Variants in RBFOX1 observed in about 807,000 individuals in gnomAD.
RBFOX1 encodes the protein RNA binding fox-1 homolog 1.
RBFOX1 carries 8 observed loss-of-function variants against 57.7 expected under a neutral mutation model. The observed-to-expected ratio is 0.14, with a 90% CI of 0.08 to 0.25. The LOEUF (loss-of-function observed/expected upper bound fraction) is 0.25. RBFOX1 is among the 10% of genes least tolerant of loss of function. The probability of loss-of-function intolerance (pLI) is 1.00; values close to 1 mark genes in which losing one functional copy is unlikely to be tolerated. For synonymous variants in RBFOX1, 326 were observed against 222.4 expected, an observed-to-expected ratio of 1.47 and a Z score of -4.15; for missense variants, 611 against 548.5, an observed-to-expected ratio of 1.11 and a Z score of -1.14.
chr16:7,311,023 C>T (rs1308118773), intron 4 of RBFOX1, among the ~76,000 whole-genome samples: 1 of 152,208 alleles, frequency 6.6e-6, no homozygotes, highest in Non-Finnish European at 1.5e-5. Context: ...ACTCCTTCCG[C>T]TACCTTGACC....
intron 4 of RBFOX1, among the ~76,000 whole-genome samples, chr16:7,250,658 A>G (rs1047036953): frequency 3.9e-5 from 6 of 152,198 alleles, no homozygotes; most frequent in Non-Finnish European, 8.8e-5. Context: ...GCATTTTACC[A>G]TTAGACTCTT....
intron 3 of RBFOX1, among the ~76,000 whole-genome samples, chr16:6,814,800 G>C (rs1301803013): frequency 2.6e-5 from 4 of 152,076 alleles, no homozygotes; most frequent in Admixed American, 2.6e-4. Flanking sequence ...CACATCAAGG[G>C]GTTTGGGTTT....
At position 6,106,466 on chromosome 16, in the gene RBFOX1, C is replaced by CAAAAAAAAAA. The variant is rs139996811; in HGVS notation, c.-127+86479_-127+86480insAAAAAAAAAA. 4.6e-5 allele frequency among the ~76,000 whole-genome samples: 5 copies of CAAAAAAAAAA among 109,468 alleles called. 1 individual carries two copies. Among genetic ancestry groups the CAAAAAAAAAA allele is most frequent in the African/African-American group, 1.2e-4 (3 of 24,586 alleles). 71.8% of individuals were successfully genotyped at this position (109,468 alleles called of 152,430 possible). A position where few individuals can be genotyped will look rare whatever the true frequency, so the allele number is the denominator to read the frequency against. ...GGGCAAAAAGAGTGAGTATCTGTCT[C>CAAAAAAAAAA]AAAAATAAAAAAAAAAAAAGGTAGT... On this transcript the variant is annotated intron_variant, in intron 1 of 15. Coordinates refer to ENST00000550418, the MANE Select transcript of RBFOX1 (RefSeq NM_018723.4).
intron 4 of RBFOX1, among the ~76,000 whole-genome samples, chr16:7,223,106 G>T (rs908644539): frequency 2.0e-5 from 3 of 152,220 alleles, no homozygotes; most frequent in Non-Finnish European, 2.9e-5. Context: ...AGCAACTGAG[G>T]TGAATAAAGG....
chr16:7,061,860 A>C (rs1004619998), intron 4 of RBFOX1, among the ~76,000 whole-genome samples: 3 of 152,160 alleles, frequency 2.0e-5, no homozygotes, highest in Admixed American at 2.0e-4. Flanking sequence ...GGAGAAAAAA[A>C]AATACGTGAT....
chr16:6,903,559 G>C (rs541761948), intron 3 of RBFOX1, among the ~76,000 whole-genome samples: 2 of 152,316 alleles, frequency 1.3e-5, no homozygotes, highest in South Asian at 4.1e-4. Context: ...GTGAGTTCCA[G>C]AAAGGTGCCC....
chr16:7,449,679 G>T (rs1157461652), intron 4 of RBFOX1, among the ~76,000 whole-genome samples: 1 of 136,606 alleles, frequency 7.3e-6, no homozygotes, highest in African/African-American at 2.8e-5. Flanking sequence ...TAATTTGTCA[G>T]TTGGATAATT....
intron 4 of RBFOX1, among the ~76,000 whole-genome samples, chr16:7,148,139 C>G (rs577547181): frequency 6.6e-6 from 1 of 152,130 alleles, no homozygotes; most frequent in African/African-American, 2.4e-5. Flanking sequence ...GAAAACAAAG[C>G]AAAAAATGCT....
chr16:5,895,363 T>C (rs2058140026), intron 4 of RBFOX1, among the ~76,000 whole-genome samples: 2 of 152,210 alleles, frequency 1.3e-5, no homozygotes, highest in Admixed American at 6.5e-5. Context: ...GTCTCAGATA[T>C]TAGATTTCTA....
chr16:5,847,883 C>G lies in RBFOX1; in HGVS notation c.319-19420C>G, dbSNP rs547156421. On this transcript the variant is annotated intron_variant, in intron 3 of 19. Transcript: ENST00000641259. The stretch of plus-strand genomic sequence containing the variant: ...AGACTATGTTAGTCATTAGCATTGC[C>G]AACAGATTGTCTGTAATTGTCCAGG... 5.3e-5 allele frequency among the ~76,000 whole-genome samples: 8 copies of G among 151,586 alleles called. No individual in the cohort carries two copies. The South Asian group carries it at 1.7e-3, about 32-fold the overall frequency.
chr16:7,528,514 A>G (rs1415160582), intron 5 of RBFOX1, among the ~76,000 whole-genome samples: 2 of 152,068 alleles, frequency 1.3e-5, no homozygotes, highest in Non-Finnish European at 2.9e-5. Context: ...GTCTCACTCC[A>G]TCACCCAGGC....
chr16:6,429,191 G>A (rs568746620), intron 2 of RBFOX1, among the ~76,000 whole-genome samples: 1 of 152,368 alleles, frequency 6.6e-6, no homozygotes, highest in South Asian at 2.1e-4. Flanking sequence ...CATCAAGCAA[G>A]TTCCAAATGT....
chr16:6,875,830 C>G (rs1407907406), intron 3 of RBFOX1, among the ~76,000 whole-genome samples: 1 of 151,816 alleles, frequency 6.6e-6, no homozygotes, highest in Non-Finnish European at 1.5e-5. Context: ...CATGGTGAAA[C>G]CTCATCTCTA....
intron 1 of RBFOX1, among the ~76,000 whole-genome samples, chr16:6,219,545 G>T (rs192801920): frequency 1.3e-5 from 2 of 152,022 alleles, no homozygotes; most frequent in Admixed American, 6.6e-5. Flanking sequence ...GAGTGAACTC[G>T]GGCAATTCAC....
intron 2 of RBFOX1, among the ~76,000 whole-genome samples, chr16:6,568,020 C>T (rs72762909): frequency 0.081 from 12,262 of 152,104 alleles, 684 homozygotes; most frequent in Non-Finnish European, 0.12. Flanking sequence ...TAGGGTCTGA[C>T]TATGTTGAAC....
chr16:7,313,795 A>T (rs2034361516), intron 4 of RBFOX1, among the ~76,000 whole-genome samples: 1 of 152,056 alleles, frequency 6.6e-6, no homozygotes, highest in Non-Finnish European at 1.5e-5. Context: ...CTGATATTTA[A>T]AACCAGACAC....
intron 4 of RBFOX1, among the ~76,000 whole-genome samples, chr16:7,300,925 CTTGAATGCA>C (rs1428686603): frequency 6.6e-6 from 1 of 152,068 alleles, no homozygotes; most frequent in Non-Finnish European, 1.5e-5. Context: ...CAGGGTGGCC[CTTGAATGCA>C]TATGAACCCA....
intron 3 of RBFOX1, among the ~76,000 whole-genome samples, chr16:5,826,681 G>C (rs147953505): frequency 1.2e-3 from 181 of 152,296 alleles, no homozygotes; most frequent in African/African-American, 4.0e-3. Context: ...ATAGTTATTA[G>C]ATTCACTGCT....
At chr16:6,421,867 A>G (rs191133980) in intron 2 of RBFOX1, among the ~76,000 whole-genome samples, 10 of 151,416 alleles carry the variant, frequency 6.6e-5, no homozygotes, top group Non-Finnish European at 1.5e-4. Context: ...AAATCCCATC[A>G]AATAGACTGT....
Sources: allele counts gnomAD v4.1 joint callset (sites outside exome capture counted in the v4.1 genomes callset), GRCh38; gene constraint gnomAD v4.1.1; transcripts MANE v1.5; gene names NCBI Gene and HGNC (gene_info 2026-07-23, HGNC 2026-07-21).